SLC44A5: variants seen among roughly 807,000 people sequenced by gnomAD.
The protein encoded by SLC44A5 is solute carrier family 44 member 5.
A neutral mutation model predicts 101.8 loss-of-function variants in SLC44A5; 57 were observed. That is an observed-to-expected ratio of 0.56 (90% CI 0.45 to 0.70). The LOEUF (loss-of-function observed/expected upper bound fraction) is 0.70, where lower values mean the gene tolerates loss of function less well. Ranked by LOEUF, SLC44A5 falls within the 30% of genes least tolerant of loss-of-function variation. The pLI, the probability that SLC44A5 is intolerant of heterozygous loss-of-function variation, is 0.00. For synonymous variants in SLC44A5, 281 were observed against 290.9 expected, an observed-to-expected ratio of 0.97 and a Z score of 0.35; for missense variants, 737 against 853.1, an observed-to-expected ratio of 0.86 and a Z score of 1.70.
intron 1 of SLC44A5, among the ~76,000 whole-genome samples, chr1:75,589,927 C>T (rs1674249931): frequency 6.6e-6 from 1 of 152,106 alleles, no homozygotes; most frequent in South Asian, 2.1e-4. Context: ...GCCTGGAAAC[C>T]TCACCACCTA....
At chr1:75,689,070 G>T in the SLC44A5 span, among the ~76,000 whole-genome samples, 4 of 152,062 alleles carry the variant, frequency 2.6e-5, no homozygotes, top group Admixed American at 6.5e-5. Flanking sequence ...CTTTTTGAGA[G>T]GACTAATCCT....
intron 7 of SLC44A5, among the ~76,000 whole-genome samples, chr1:75,247,856 G>A (rs1649246301): frequency 6.6e-6 from 1 of 151,842 alleles, no homozygotes; most frequent in South Asian, 2.1e-4. Context: ...TAAAAGCTTG[G>A]ATGAGAGTGA....
At chr1:75,545,253 A>G (rs891960503) in intron 1 of SLC44A5, among the ~76,000 whole-genome samples, 4 of 152,062 alleles carry the variant, frequency 2.6e-5, no homozygotes, top group South Asian at 4.2e-4. Context: ...TATCCAGTCT[A>G]TCGTTGATAG....
At chr1:75,417,914 T>C (rs769641104) in intron 2 of SLC44A5, among the ~76,000 whole-genome samples, 1 of 152,170 alleles carries the variant, frequency 6.6e-6, no homozygotes, top group Non-Finnish European at 1.5e-5. Context: ...GAATGTTTTG[T>C]AGTAACTAAA....
rs1168932183 is a variant in SLC44A5 at position 75,278,383 on chromosome 1, C to T, written c.176-3341G>A. Among the ~76,000 whole-genome samples the T allele has an allele frequency of 3.3e-5, 5 of 151,978 alleles. 1 individual carries two copies. Among genetic ancestry groups the T allele is most frequent in the Non-Finnish European group, 4.4e-5 (3 of 67,972 alleles). ...CTAGTAGAAAGAACAGTGTCAAGGG[C>T]TTCTTTAAGGTGATTATGAGTGCCA... is the stretch of plus-strand genomic sequence containing the variant. On this transcript the variant is annotated intron_variant, in intron 5 of 23. Transcript: ENST00000370859.
intron 2 of SLC44A5, among the ~76,000 whole-genome samples, chr1:75,462,865 T>TA: frequency 6.6e-6 from 1 of 152,078 alleles, no homozygotes; most frequent in African/African-American, 2.4e-5. Flanking sequence ...AGAATTTTTT[T>TA]AAAAAAATGA....
intron 1 of SLC44A5, among the ~76,000 whole-genome samples, chr1:75,547,881 A>G (rs906371545): frequency 6.6e-6 from 1 of 152,126 alleles, no homozygotes; most frequent in African/African-American, 2.4e-5. Context: ...AAAAATCTGT[A>G]AAAGAAACCC....
intron 2 of SLC44A5, among the ~76,000 whole-genome samples, chr1:75,502,877 A>C (rs1388093598): frequency 6.6e-6 from 1 of 152,208 alleles, no homozygotes; most frequent in East Asian, 1.9e-4. Flanking sequence ...TGGGAACTTA[A>C]GAGTGGGGGC....
At chr1:75,354,519 T>G (rs964858365) in intron 3 of SLC44A5, among the ~76,000 whole-genome samples, 1 of 152,196 alleles carries the variant, frequency 6.6e-6, no homozygotes, top group Non-Finnish European at 1.5e-5. Context: ...GTTTCTTTGT[T>G]TGAGCACCAA....
intron 2 of SLC44A5, among the ~76,000 whole-genome samples, chr1:75,466,250 A>T (rs1462120331): frequency 6.6e-6 from 1 of 152,202 alleles, no homozygotes; most frequent in South Asian, 2.1e-4. Flanking sequence ...GTGATATATC[A>T]TATTAACAGA....
chr1:75,460,333 C>T (rs1205205346), intron 2 of SLC44A5, among the ~76,000 whole-genome samples: 1 of 152,222 alleles, frequency 6.6e-6, no homozygotes, highest in Non-Finnish European at 1.5e-5. Flanking sequence ...TTCTAACCTA[C>T]TACCAGTACA....
chr1:75,291,808 G>A (rs1468441859), intron 5 of SLC44A5, among the ~76,000 whole-genome samples: 1 of 151,946 alleles, frequency 6.6e-6, no homozygotes, highest in Non-Finnish European at 1.5e-5. Flanking sequence ...TCAGGAGATC[G>A]AGACCATCCT....
At chr1:75,356,112 C>T (rs1240378222) in intron 3 of SLC44A5, among the ~76,000 whole-genome samples, 2 of 147,362 alleles carry the variant, frequency 1.4e-5, no homozygotes, top group East Asian at 4.1e-4. Flanking sequence ...ACTCAGGAGG[C>T]TGAGGCATGA....
intron 2 of SLC44A5, among the ~76,000 whole-genome samples, chr1:75,450,289 T>C (rs554353375): frequency 9.2e-5 from 14 of 152,196 alleles, no homozygotes; most frequent in African/African-American, 2.4e-4. Context: ...TGGAGCTAAG[T>C]TGGGGAGAGG....
chr1:75,480,451 G>A (rs1570408725), intron 2 of SLC44A5, among the ~76,000 whole-genome samples: 1 of 152,304 alleles, frequency 6.6e-6, no homozygotes, highest in Admixed American at 6.5e-5. Context: ...TAGGAAAAGA[G>A]GAAGTCAAAT....
intron 1 of SLC44A5, among the ~76,000 whole-genome samples, chr1:75,592,966 G>A (rs1557942657): frequency 6.6e-6 from 1 of 152,064 alleles, no homozygotes; most frequent in Non-Finnish European, 1.5e-5. Context: ...ACAAGCACAA[G>A]CAACCAAAGT....
intron 6 of SLC44A5, among the ~76,000 whole-genome samples, chr1:75,252,324 G>A (rs1371341824): frequency 6.6e-6 from 1 of 152,174 alleles, no homozygotes; most frequent in Non-Finnish European, 1.5e-5. Context: ...GGGCTATTGA[G>A]CAATATTTTT....
the SLC44A5 span, among the ~76,000 whole-genome samples, chr1:75,620,064 T>C: frequency 6.6e-6 from 1 of 152,192 alleles, no homozygotes; most frequent in South Asian, 2.1e-4. Context: ...CTCCCACTTA[T>C]GATTGACAAC....
At chr1:75,723,171 G>C in the SLC44A5 span, among the ~76,000 whole-genome samples, 1 of 152,194 alleles carries the variant, frequency 6.6e-6, no homozygotes, top group Non-Finnish European at 1.5e-5. Context: ...GGGTGCACGT[G>C]TCAGGTTATA....
Sources: gnomAD v4.1 joint callset for allele counts (sites outside exome capture counted in the v4.1 genomes callset) on GRCh38, gnomAD v4.1.1 for gene constraint, MANE v1.5 for transcripts, NCBI Gene and HGNC (gene_info 2026-07-23, HGNC 2026-07-21) for gene names.